Variants in EDARADD observed in about 807,000 individuals in gnomAD.
EDARADD encodes the protein EDAR associated via death domain, also known as ectodysplasin-A receptor-associated adapter protein.
In EDARADD, 20 loss-of-function variants were observed where a neutral mutation model predicts 25.6. The ratio of observed to expected loss-of-function variants is 0.78; its 90% CI spans 0.55 to 1.14. EDARADD has a LOEUF of 1.14. Among genes scored for constraint, EDARADD ranks in the 50% most tolerant of loss-of-function variants. The probability of loss-of-function intolerance (pLI) is 0.00; values close to 1 mark genes in which losing one functional copy is unlikely to be tolerated. For synonymous variants in EDARADD, 86 were observed against 94.4 expected (o/e 0.91, Z 0.52); for missense variants, 225 against 270.1 (o/e 0.83, Z 1.17).
rs1203577726 is a variant in EDARADD at position 236,446,721 on chromosome 1, A to C, written c.219+19271A>C. On this transcript the variant is annotated intron_variant, in intron 4 of 5. Transcript: ENST00000334232. ...GGTTTTGAGTATATATTTTTTAAAA[A>C]CACGTATATTTATGCAAAATAGTGT... Among the ~76,000 whole-genome samples the C allele has an allele frequency of 2.6e-5, 4 of 152,178 alleles. No individual in the cohort carries two copies. In the East Asian group the frequency reaches 7.7e-4, roughly 29 times the overall value.
chr1:236,384,324 T>C (rs1348327354), intron 3 of EDARADD, among the ~76,000 whole-genome samples: 1 of 152,256 alleles, frequency 6.6e-6, no homozygotes, highest in African/African-American at 2.4e-5. Flanking sequence ...TGAACAAGCT[T>C]TAAAAATTTG....
chr1:236,351,446 G>A lies in EDARADD; in HGVS notation c.-6+607G>A, dbSNP rs556330542. ...TCAAGGATGAATGAGGAGGCTGGGC[G>A]CGGTGGCTCATGCCTATAATCCCAG... On this transcript the variant is annotated intron_variant, in intron 3 of 7. Coordinates refer to the EDARADD transcript ENST00000439430. Among the ~76,000 whole-genome samples, 15 of 152,184 alleles carry A rather than the reference G, an allele frequency of 9.9e-5. 1 individual carries two copies. The highest frequency in any genetic ancestry group is 8.3e-4 in the South Asian group (4 of 4,794).
chr1:236,428,575 ACTGGGCTGCCGGGCAG>A (rs1171320517), intron 4 of EDARADD, among the ~76,000 whole-genome samples: 20 of 94,376 alleles, frequency 2.1e-4, no homozygotes, highest in African/African-American at 5.4e-4. Context: ...CACTTCCCAG[ACTGGGCTGCCGGGCAG>A]AGGCGCTCCC....
At chr1:236,412,120 G>A (rs1423799846) in intron 2 of EDARADD, among the ~76,000 whole-genome samples, 1 of 152,162 alleles carries the variant, frequency 6.6e-6, no homozygotes, top group African/African-American at 2.4e-5. Context: ...TGCTGACCCA[G>A]CCCTGTGTAG....
intron 3 of EDARADD, among the ~76,000 whole-genome samples, chr1:236,371,569 A>ATTT (rs199841789): frequency 7.2e-6 from 1 of 138,358 alleles, no homozygotes; most frequent in Non-Finnish European, 1.6e-5. Flanking sequence ...TTTTATTAAG[A>ATTT]TTTTTTTTTT....
At position 236,403,245 on chromosome 1, in the gene EDARADD, C is replaced by T. The variant is rs546576891; in HGVS notation, c.62-5971C>T. 7.8e-4 allele frequency among the ~76,000 whole-genome samples: 119 copies of T among 152,152 alleles called. 1 individual carries two copies. The highest frequency in any genetic ancestry group is 3.4e-3 in the Middle Eastern group (1 of 294). On this transcript the variant is annotated intron_variant, in intron 1 of 5. Coordinates refer to ENST00000334232, the MANE Select transcript of EDARADD (RefSeq NM_145861.4). ...TGCTGGGATTACGGGCGTGAGCCAC[C>T]TGTTCGAACTTTTCTAAGTGAGAGC...
At chr1:236,377,224 C>T (rs1057310474) in intron 3 of EDARADD, among the ~76,000 whole-genome samples, 9 of 151,114 alleles carry the variant, frequency 6.0e-5, no homozygotes, top group East Asian at 2.0e-4. Flanking sequence ...GGCATGATCT[C>T]GGTTCACTGC....
chr1:236,363,426 C>T (rs61833977), intron 3 of EDARADD, among the ~76,000 whole-genome samples: 2 of 151,100 alleles, frequency 1.3e-5, no homozygotes, highest in African/African-American at 4.9e-5. Context: ...TCACGTCCCC[C>T]ACATGTTCCT....
rs189781826 is a variant in EDARADD, at chr1:236,483,066, G to A, written c.*417G>A. ...CTCTCCTGATCAGTGCCATTCCCAC[G>A]GTTTCAAAGAAAACAGCTACAAGGA... On this transcript the variant is annotated 3_prime_UTR_variant, in exon 6 of 6. Coordinates refer to ENST00000334232, the MANE Select transcript of EDARADD (RefSeq NM_145861.4). The A allele has an allele frequency of 1.7e-3, 1,361 of 800,064 alleles. 5 individuals carry two copies. Among genetic ancestry groups the A allele is most frequent in the Middle Eastern group, 9.9e-3 (30 of 3,038 alleles). 49.6% of individuals were successfully genotyped at this position (800,064 alleles called of 1,614,324 possible). A position where few individuals can be genotyped will look rare whatever the true frequency, so the allele number is the denominator to read the frequency against.
At chr1:236,449,239 A>G (rs922590540) in intron 4 of EDARADD, among the ~76,000 whole-genome samples, 5 of 152,200 alleles carry the variant, frequency 3.3e-5, no homozygotes, top group Non-Finnish European at 5.9e-5. Flanking sequence ...TAATGATCTC[A>G]TAGTAACTTG....
intron 3 of EDARADD, among the ~76,000 whole-genome samples, chr1:236,373,867 AT>A (rs534061034): frequency 1.1e-3 from 162 of 152,260 alleles, no homozygotes; most frequent in African/African-American, 3.7e-3. Context: ...TTTCATTTTC[AT>A]TTAGTTCAAA....
intron 3 of EDARADD, among the ~76,000 whole-genome samples, chr1:236,420,766 G>A (rs1657762840): frequency 6.6e-6 from 1 of 151,820 alleles, no homozygotes; most frequent in African/African-American, 2.4e-5. Context: ...TTTTGAGATG[G>A]AGTCTCGCTC....
chr1:236,430,302 G>T (rs993990925), intron 4 of EDARADD, among the ~76,000 whole-genome samples: 4 of 152,144 alleles, frequency 2.6e-5, no homozygotes, highest in African/African-American at 9.7e-5. Flanking sequence ...GTATAAATTT[G>T]TTCTTCTCAT....
chr1:236,394,143 C>T, upstream of EDARADD: 1 of 371,532 alleles, frequency 2.7e-6, no homozygotes. Flanking sequence ...TGCTAACAAG[C>T]TCACTCAACT....
chr1:236,409,818 C>A (rs1657395100), intron 2 of EDARADD, among the ~76,000 whole-genome samples: 1 of 151,900 alleles, frequency 6.6e-6, no homozygotes, highest in African/African-American at 2.4e-5. Context: ...CCACCCTCGG[C>A]CTCCCAAAGT....
intron 3 of EDARADD, among the ~76,000 whole-genome samples, chr1:236,417,117 A>AAAATAAAT (rs59744483): frequency 2.7e-5 from 4 of 150,636 alleles, no homozygotes; most frequent in African/African-American, 9.7e-5. Context: ...CCCTGTCTCA[A>AAAATAAAT]AAATAAATAA....
chr1:236,382,620 G>C (rs917279328), intron 3 of EDARADD, among the ~76,000 whole-genome samples: 3 of 152,172 alleles, frequency 2.0e-5, no homozygotes, highest in Non-Finnish European at 2.9e-5. Flanking sequence ...AGTTAAGTTG[G>C]TTGGAAAGAA....
chr1:236,462,476 A>G (rs1414320996), intron 4 of EDARADD, among the ~76,000 whole-genome samples: 2 of 151,810 alleles, frequency 1.3e-5, no homozygotes, highest in African/African-American at 4.8e-5. Flanking sequence ...TGACTTCTCC[A>G]TCAATCTATC....
chr1:236,484,815 G>A lies in EDARADD; in HGVS notation c.*2166G>A, dbSNP rs896257134. ...AATTGGCCCAAATCACCGGAGCCAC[G>A]TGACCCTCCAGTGTCATCTCCGGGG... On this transcript the variant is annotated 3_prime_UTR_variant, in exon 6 of 6. Transcript: ENST00000334232. The surrounding 1 kb of genome is among the most constrained non-coding windows in gnomAD (Gnocchi z 4.1). 74 of 186,908 alleles carry A rather than the reference G, an allele frequency of 4.0e-4. No individual in the cohort carries two copies. Among genetic ancestry groups the A allele is most frequent in the African/African-American group, 1.7e-3 (70 of 42,226 alleles). 11.6% of individuals were successfully genotyped at this position (186,908 alleles called of 1,614,324 possible).
Sources: gnomAD v4.1 joint callset for allele counts (sites outside exome capture counted in the v4.1 genomes callset) on GRCh38, gnomAD v4.1.1 for gene constraint, Gnocchi (gnomAD v3.1) non-coding constraint, MANE v1.5 for transcripts, NCBI Gene and HGNC (gene_info 2026-07-23, HGNC 2026-07-21) for gene names.